SH2D3C: variants seen among roughly 807,000 people sequenced by gnomAD.
SH2D3C encodes SH2 domain containing 3C, also known as SH2 domain-containing protein 3C.
SH2D3C carries 25 observed loss-of-function variants against 75.2 expected under a neutral mutation model. The ratio of observed to expected loss-of-function variants is 0.33; its 90% confidence interval spans 0.24 to 0.46. SH2D3C has a LOEUF of 0.46. Ranked by LOEUF, SH2D3C falls within the 20% of genes least tolerant of loss-of-function variation. The pLI is 1.00. For synonymous variants in SH2D3C, 450 were observed against 473.7 expected (o/e 0.95, Z 0.65); for missense variants, 933 against 1,165.3 (o/e 0.80, Z 2.90).
chr9:127,774,308 G>A lies in SH2D3C; in HGVS notation c.197C>T (p.Ala66Val), dbSNP rs765210365. 1.7e-5 allele frequency: 28 copies of A among 1,613,970 alleles called. No individual in the cohort carries two copies. The East Asian group carries it at 6.0e-4, about 35-fold the overall frequency. ...GTACATGTCACTGGAGCGGGCATAG[G>A]CTGGGGGACTCTTGGGCACCGTCAC... ...DMVTVPKSPP[A>V]YARSSDMYSH... The change falls in exon 2 of 12, where the codon GCC becomes GTC. Residue 66 changes from alanine (A) to valine (V), a missense_variant. Coordinates refer to ENST00000314830, the MANE Select transcript of SH2D3C (RefSeq NM_170600.3). This position sits in a 1 kb window ranked among gnomAD's most constrained non-coding sequence, Gnocchi z 4.3.
At chr9:127,777,470 G>A (rs1455031835) in intron 1 of SH2D3C, among the ~76,000 whole-genome samples, 8 of 63,204 alleles carry the variant, frequency 1.3e-4, no homozygotes, top group South Asian at 6.7e-4. Context: ...TCCCCCTGCC[G>A]CCCCAGTAAC....
chr9:127,760,638 G>A (rs1021469511), intron 3 of SH2D3C, among the ~76,000 whole-genome samples: 2 of 151,822 alleles, frequency 1.3e-5, no homozygotes, highest in Non-Finnish European at 2.9e-5. Flanking sequence ...TGTGACCCAG[G>A]GCAAGTCACT....
At position 127,744,643 on chromosome 9, in the gene SH2D3C, A is replaced by G; in HGVS notation, c.1721T>C (p.Leu574Pro). 6.2e-7 allele frequency: 1 copy of G among 1,614,182 alleles called. No individual in the cohort carries two copies. Reference protein sequence around the residue: ...PRDNRPLEVGLLRKVKELLAE... With the variant: ...PRDNRPLEVGPLRKVKELLAE... ...CAGCAGCTCCTTGACCTTGCGCAGA[A>G]GGCCCACCTCCAGTGGCCGGTTATC... Residue 574 changes from leucine (L) to proline (P), a missense_variant, in exon 7 of 12, where the codon CTT (leucine) becomes CCT (proline). Coordinates refer to ENST00000314830, the MANE Select transcript of SH2D3C (RefSeq NM_170600.3).
At chr9:127,744,522 A>C (rs376201263) in intron 7 of SH2D3C, 42 bp downstream of exon 7, 1 of 1,563,798 alleles carries the variant, frequency 6.4e-7, no homozygotes, top group Non-Finnish European at 8.7e-7. Flanking sequence ...GCCCCACAGA[A>C]CAGAGATGCT....
Position 127,744,695 on chromosome 9 carries a change from T to C in SH2D3C, c.1669A>G (p.Thr557Ala), listed in dbSNP as rs766806440. Residue 557 changes from threonine to alanine, a missense_variant, in exon 7 of 12, where the codon ACC becomes GCC. Transcript: ENST00000314830. ...VEVTSSFNPA[T>A]FQSLLIPRDN... ...CTGGGGATCAGTAGTGACTGGAAGGTGGCCGGGTTGAAGGAAGAAGTGACT... is the reference window on the plus strand; with the variant it reads ...CTGGGGATCAGTAGTGACTGGAAGGCGGCCGGGTTGAAGGAAGAAGTGACT... 1.9e-6 allele frequency: 3 copies of C among 1,614,048 alleles called. No homozygotes were observed. In the East Asian group the frequency reaches 6.7e-5, roughly 36 times the overall value.
intron 4 of SH2D3C, among the ~76,000 whole-genome samples, chr9:127,750,381 C>A (rs1480387935): frequency 6.6e-6 from 1 of 152,160 alleles, no homozygotes; most frequent in Non-Finnish European, 1.5e-5. Flanking sequence ...TCTGAAACTC[C>A]TGACCTCAGG....
At chr9:127,743,385 C>T (rs913569340) in intron 7 of SH2D3C, among the ~76,000 whole-genome samples, 2 of 152,188 alleles carry the variant, frequency 1.3e-5, no homozygotes, top group Non-Finnish European at 2.9e-5. Context: ...TGCCTGTAGT[C>T]CCAGCTACTC....
intron 2 of SH2D3C, chr9:127,771,404 C>CT: frequency 7.6e-7 from 1 of 1,314,410 alleles, no homozygotes; most frequent in Non-Finnish European, 9.7e-7. Flanking sequence ...ACTCCACCGC[C>CT]TACTCCACCG....
chr9:127,757,956 C>T (rs897026834), intron 3 of SH2D3C, among the ~76,000 whole-genome samples: 9 of 151,888 alleles, frequency 5.9e-5, no homozygotes, highest in Admixed American at 1.3e-4. Flanking sequence ...CCACTGCACC[C>T]GGCCAGTTTT....
chr9:127,775,011 C>T (rs1588528293), intron 1 of SH2D3C, among the ~76,000 whole-genome samples: 2 of 151,858 alleles, frequency 1.3e-5, no homozygotes, highest in East Asian at 3.9e-4. Context: ...TTGCTTGAAC[C>T]CGGGAGGCGG....
At chr9:127,767,427 G>T in intron 2 of SH2D3C, 1 of 483,790 alleles carries the variant, frequency 2.1e-6, no homozygotes, top group Non-Finnish European at 2.7e-6. Flanking sequence ...ATGGCCTGAT[G>T]TCTAATTCCC....
chr9:127,771,292 C>CTCGG (rs2131808477), intron 2 of SH2D3C: 1 of 1,510,660 alleles, frequency 6.6e-7, no homozygotes, highest in Non-Finnish European at 8.9e-7. Flanking sequence ...TCCTGCCTTT[C>CTCGG]TCGGGCCACT....
Position 127,774,405 on chromosome 9 carries a change from G to C in SH2D3C, c.100C>G (p.Arg34Gly). 1.9e-6 allele frequency: 3 copies of C among 1,613,528 alleles called. No individual in the cohort carries two copies. Among genetic ancestry groups the C allele is most frequent in the Non-Finnish European group, 2.5e-6 (3 of 1,179,548 alleles). Residue 34 changes from arginine to glycine, a missense_variant, in exon 2 of 12, where the codon CGA (arginine) becomes GGA (glycine). Arg to Gly is a moderately radical substitution (Grantham distance 125). Transcript: ENST00000314830. The surrounding 1 kb of genome is among the most constrained non-coding windows in gnomAD (Gnocchi z 4.3). ...TGCCTACTGATGGAAGCTGAGGATC[G>C]TCTCAGAGTGAAGGACCGAGGGAGG... ...SNLPRSFTLR[R>G]SSASISRQSH...
intron 2 of SH2D3C, among the ~76,000 whole-genome samples, chr9:127,768,221 T>C (rs1376283682): frequency 6.6e-6 from 1 of 152,116 alleles, no homozygotes; most frequent in Admixed American, 6.5e-5. Context: ...GACGTCACCC[T>C]GCAGGGCCGA....
intron 3 of SH2D3C, among the ~76,000 whole-genome samples, chr9:127,753,603 A>G (rs143010541): frequency 1.1e-4 from 17 of 152,292 alleles, no homozygotes; most frequent in Non-Finnish European, 2.1e-4. Flanking sequence ...GCCTTCTCAG[A>G]CACCTACACT....
Position 127,741,816 on chromosome 9 carries a change from G to A in SH2D3C, c.2060C>T (p.Ala687Val). Residue 687 changes from alanine (A) to valine (V), a missense_variant, in exon 9 of 12, where the codon GCG becomes GTG. Ala to Val is a moderately conservative substitution (Grantham distance 64). Transcript: ENST00000314830. ...GGCCATGTCCAGGGCACCCATGACC[G>A]CCGCGAAGCTGAACATGTTGCCCAT... is the stretch of plus-strand genomic sequence containing the variant. ...GTMGNMFSFA[A>V]VMGALDMAQI... 1.2e-6 allele frequency: 2 copies of A among 1,613,292 alleles called. No individual in the cohort carries two copies. Among genetic ancestry groups the A allele is most frequent in the Non-Finnish European group, 8.5e-7 (1 of 1,180,002 alleles).
chr9:127,762,348 G>A (rs1845549340), intron 2 of SH2D3C: 1 of 1,302,040 alleles, frequency 7.7e-7, no homozygotes. Flanking sequence ...CCCTCAGGCA[G>A]CCTGGACCTG....
chr9:127,777,125 G>T (rs1030842899), intron 1 of SH2D3C, among the ~76,000 whole-genome samples: 1 of 151,462 alleles, frequency 6.6e-6, no homozygotes, highest in Non-Finnish European at 1.5e-5. Context: ...TCTGGGAAAT[G>T]CAGTCATAAT....
intron 9 of SH2D3C, among the ~76,000 whole-genome samples, chr9:127,741,068 C>T (rs374484486): frequency 2.0e-5 from 3 of 152,240 alleles, no homozygotes; most frequent in East Asian, 1.9e-4. Context: ...AGCCTCTGAC[C>T]GTATGACCTT....
Sources: gnomAD v4.1 joint callset for allele counts (sites outside exome capture counted in the v4.1 genomes callset) on GRCh38, gnomAD v4.1.1 for gene constraint, Gnocchi (gnomAD v3.1) non-coding constraint, MANE v1.5 for transcripts, NCBI Gene and HGNC (gene_info 2026-07-23, HGNC 2026-07-21) for gene names.